Variants in ANXA8 observed in about 807,000 individuals in gnomAD.
ANXA8 encodes the protein VAC-beta.
Under a neutral mutation model 26.8 loss-of-function variants are expected in ANXA8, and 9 were observed. The ratio of observed to expected loss-of-function variants is 0.34; its 90% CI spans 0.20 to 0.59. The LOEUF (loss-of-function observed/expected upper bound fraction) is 0.59, where lower values mean the gene tolerates loss of function less well. ANXA8 is among the 20% of genes least tolerant of loss of function. The probability of loss-of-function intolerance (pLI) is 0.84; values close to 1 mark genes in which losing one functional copy is unlikely to be tolerated. For missense variants in ANXA8, 83 were observed against 238.5 expected, an observed-to-expected ratio of 0.35 and a Z score of 4.29; for synonymous variants, 39 against 94.8, an observed-to-expected ratio of 0.41 and a Z score of 3.42.
At chr10:47,655,338 T>C in the ANXA8 span, among the ~76,000 whole-genome samples, 91 of 149,666 alleles carry the variant, frequency 6.1e-4, no homozygotes, top group Non-Finnish European at 5.5e-4. Flanking sequence ...TTCACGGCTG[T>C]GGTATATATA....
At chr10:47,644,183 A>G in the ANXA8 span, among the ~76,000 whole-genome samples, 1 of 145,338 alleles carries the variant, frequency 6.9e-6, no homozygotes, top group African/African-American at 2.7e-5. Context: ...AAGTTAAAAT[A>G]TGCATAAAAA....
the ANXA8 span, among the ~76,000 whole-genome samples, chr10:47,526,384 C>T: frequency 1.5e-4 from 20 of 136,602 alleles, 4 homozygotes; most frequent in Non-Finnish European, 2.3e-4. Context: ...GGATTGCAGG[C>T]GTGAGCCACC....
the ANXA8 span, among the ~76,000 whole-genome samples, chr10:47,587,215 A>AAT: frequency 4.1e-5 from 6 of 146,566 alleles, no homozygotes; most frequent in Admixed American, 2.7e-4. Flanking sequence ...AAAAAAAAAA[A>AAT]AATAAAAATT....
the ANXA8 span, among the ~76,000 whole-genome samples, chr10:47,743,245 C>CATATAT: frequency 8.5e-5 from 8 of 94,652 alleles, no homozygotes; most frequent in South Asian, 3.4e-4. Context: ...CAACAGGCTT[C>CATATAT]ATATATATAT....
At chr10:47,607,468 T>C in the ANXA8 span, among the ~76,000 whole-genome samples, 4 of 150,620 alleles carry the variant, frequency 2.7e-5, no homozygotes, top group East Asian at 5.8e-4. Context: ...TTACATTCTG[T>C]ATGACAGAAA....
chr10:47,502,275 G>A, the ANXA8 span: 2 of 1,598,924 alleles, frequency 1.3e-6, no homozygotes, highest in Non-Finnish European at 1.7e-6. Flanking sequence ...CCTCCCCACA[G>A]GTCTCGTTCA....
the ANXA8 span, among the ~76,000 whole-genome samples, chr10:47,662,723 TTAATTA>T: frequency 1.7e-5 from 2 of 117,192 alleles, no homozygotes; most frequent in African/African-American, 6.9e-5. Context: ...AATTGTTTCA[TTAATTA>T]TAATGTCTGA....
At chr10:47,501,702 T>C in the ANXA8 span, among the ~76,000 whole-genome samples, 3 of 139,458 alleles carry the variant, frequency 2.2e-5, 1 homozygote, top group Non-Finnish European at 4.6e-5. Context: ...GAGCAAAACA[T>C]CGTCCAAAAA....
chr10:47,693,874 T>G, the ANXA8 span, among the ~76,000 whole-genome samples: 1 of 152,048 alleles, frequency 6.6e-6, no homozygotes, highest in Non-Finnish European at 1.5e-5. Flanking sequence ...TTTTCTTTAA[T>G]TTGTTTCATT....
chr10:47,726,641 A>T, the ANXA8 span, among the ~76,000 whole-genome samples: 1 of 152,190 alleles, frequency 6.6e-6, no homozygotes, highest in Non-Finnish European at 1.5e-5. Flanking sequence ...AATAAAATGT[A>T]GTAATTTATC....
the ANXA8 span, among the ~76,000 whole-genome samples, chr10:47,647,349 G>A: frequency 2.0e-5 from 3 of 150,644 alleles, no homozygotes; most frequent in African/African-American, 2.4e-5. Flanking sequence ...TACTGACATT[G>A]TTCAATTCAC....
Position 47,468,914 on chromosome 10 carries a change from C to A in ANXA8, c.925-8G>T, listed in dbSNP as rs1429691619. The A allele has an allele frequency of 6.2e-7, 1 of 1,610,720 alleles. No homozygotes were observed. Among genetic ancestry groups the A allele is most frequent in the Non-Finnish European group, 8.5e-7 (1 of 1,179,582 alleles). On this transcript the variant is annotated splice_polypyrimidine_tract_variant and splice_region_variant and intron_variant, in intron 11 of 11. Coordinates refer to ENST00000585281, the MANE Select transcript of ANXA8 (RefSeq NM_001040084.3). ...GTCACCGCTGGTGTCTTCCTGTGGG[C>A]AGGAGGCGCATAAGCGTGAGAAGGG...
the ANXA8 span, among the ~76,000 whole-genome samples, chr10:47,497,619 CAAA>C: frequency 8.8e-6 from 1 of 114,104 alleles, no homozygotes; most frequent in Non-Finnish European, 1.8e-5. Context: ...ACCTCCATCT[CAAA>C]AAAAAAAAAC....
At chr10:47,675,793 G>A in the ANXA8 span, among the ~76,000 whole-genome samples, 1 of 151,848 alleles carries the variant, frequency 6.6e-6, no homozygotes, top group Non-Finnish European at 1.5e-5. Context: ...ACCCAGAGAT[G>A]ATCCAGATTT....
the ANXA8 span, among the ~76,000 whole-genome samples, chr10:47,974,824 G>A: frequency 1.1e-4 from 16 of 149,668 alleles, 1 homozygote; most frequent in Non-Finnish European, 2.1e-4. Context: ...GCATATGGTT[G>A]ATCTGAGAAT....
At chr10:47,743,405 T>TGTGTGTGTGTGTGA in the ANXA8 span, among the ~76,000 whole-genome samples, 1 of 83,530 alleles carries the variant, frequency 1.2e-5, no homozygotes, top group African/African-American at 4.9e-5. Flanking sequence ...TGTGTGTGTG[T>TGTGTGTGTGTGTGA]GAGAGAGAGA....
the ANXA8 span, among the ~76,000 whole-genome samples, chr10:47,508,119 C>G: frequency 8.2e-6 from 1 of 122,542 alleles, no homozygotes; most frequent in African/African-American, 3.0e-5. Flanking sequence ...GGCTGGAGTG[C>G]AATGGTGTGA....
At chr10:47,693,353 G>A in the ANXA8 span, among the ~76,000 whole-genome samples, 4 of 150,748 alleles carry the variant, frequency 2.7e-5, no homozygotes, top group South Asian at 2.1e-4. Context: ...GCAGTGGCGC[G>A]ATGTCTGCTC....
chr10:47,666,346 T>C, the ANXA8 span, among the ~76,000 whole-genome samples: 4 of 150,696 alleles, frequency 2.7e-5, no homozygotes, highest in Non-Finnish European at 4.4e-5. Flanking sequence ...ATCTCAGTTA[T>C]TAGAAAAAAC....
Sources: gnomAD v4.1 joint callset for allele counts (sites outside exome capture counted in the v4.1 genomes callset) on GRCh38, gnomAD v4.1.1 for gene constraint, MANE v1.5 for transcripts, NCBI Gene and HGNC (gene_info 2026-07-23, HGNC 2026-07-21) for gene names.